Variants in GRM7 observed in about 807,000 individuals in gnomAD.
GRM7 encodes metabotropic glutamate receptor 7.
Under a neutral mutation model 84.5 loss-of-function variants are expected in GRM7, and 35 were observed. The ratio of observed to expected loss-of-function variants is 0.41; its 90% CI spans 0.32 to 0.55. The LOEUF is 0.55. GRM7 is among the 20% of genes least tolerant of loss of function. The pLI is 0.19. For missense variants in GRM7, 1,003 were observed against 1,194.6 expected, an observed-to-expected ratio of 0.84 and a Z score of 2.36; for synonymous variants, 487 against 455.1, an observed-to-expected ratio of 1.07 and a Z score of -0.89.
intron 1 of GRM7, among the ~76,000 whole-genome samples, chr3:7,019,201 C>T (rs1003738177): frequency 6.6e-6 from 1 of 152,178 alleles, no homozygotes. Context: ...CTTTTGAGAG[C>T]AATGTAGTTT....
chr3:7,308,449 T>C (rs1700274227), intron 4 of GRM7, among the ~76,000 whole-genome samples: 1 of 152,156 alleles, frequency 6.6e-6, no homozygotes, highest in Non-Finnish European at 1.5e-5. Flanking sequence ...GGTTCTTTGC[T>C]GAAAGTTGTA....
In GRM7 at chr3:7,242,467, A is replaced by G. The variant is rs1050403771; in HGVS notation, c.737-56217A>G. 5.3e-5 allele frequency among the ~76,000 whole-genome samples: 8 copies of G among 152,302 alleles called. No individual in the cohort carries two copies. The East Asian group carries it at 5.8e-4, about 11-fold the overall frequency. On this transcript the variant is annotated intron_variant, in intron 2 of 9. Coordinates refer to ENST00000357716, the MANE Select transcript of GRM7 (RefSeq NM_000844.4). ...CTTTGAAAAATTTGGCCCTGCCCAC[A>G]TTCAAACTATGCTTTGTCTTATGCA...
At chr3:7,648,249 T>G (rs796385077) in intron 8 of GRM7, among the ~76,000 whole-genome samples, 2 of 55,656 alleles carry the variant, frequency 3.6e-5, no homozygotes, top group African/African-American at 2.8e-4. Context: ...CTATAAATAG[T>G]TTTTTTTTTA....
intron 2 of GRM7, among the ~76,000 whole-genome samples, chr3:7,247,471 C>T (rs1378606864): frequency 2.6e-5 from 4 of 151,636 alleles, no homozygotes; most frequent in Admixed American, 1.3e-4. Flanking sequence ...AGGCGGCTCA[C>T]ACCTGTAGTC....
At chr3:6,935,850 C>T (rs1036148898) in intron 1 of GRM7, among the ~76,000 whole-genome samples, 2 of 151,988 alleles carry the variant, frequency 1.3e-5, no homozygotes, top group Non-Finnish European at 2.9e-5. Context: ...TGTGTGCCAA[C>T]ACGCACGGCT....
intron 1 of GRM7, among the ~76,000 whole-genome samples, chr3:7,128,843 G>A (rs939084548): frequency 2.0e-5 from 3 of 151,954 alleles, no homozygotes; most frequent in African/African-American, 7.3e-5. Flanking sequence ...AGCAGGTTAA[G>A]GGAGCTATCT....
At chr3:7,406,033 AAC>A (rs1159501005) in intron 4 of GRM7, among the ~76,000 whole-genome samples, 9 of 151,932 alleles carry the variant, frequency 5.9e-5, no homozygotes, top group Admixed American at 4.6e-4. Flanking sequence ...ATAACATAAA[AAC>A]ACACATTTTT....
intron 1 of GRM7, among the ~76,000 whole-genome samples, chr3:6,921,163 C>G (rs1697110090): frequency 6.6e-6 from 1 of 152,196 alleles, no homozygotes; most frequent in South Asian, 2.1e-4. Context: ...TTGGTTCTAG[C>G]TCCCAGCAGG....
At chr3:7,569,434 A>T (rs9820032) in intron 7 of GRM7, among the ~76,000 whole-genome samples, 117,176 of 152,004 alleles carry the variant, frequency 0.77, 46,026 homozygotes, top group African/African-American at 0.92. Context: ...AGCTCAGGGA[A>T]TGTAAACACA....
chr3:7,709,727 G>A (rs1263089813), intron 9 of GRM7, among the ~76,000 whole-genome samples: 5 of 152,194 alleles, frequency 3.3e-5, no homozygotes, highest in African/African-American at 1.2e-4. Flanking sequence ...AATAAACACA[G>A]CCCAAAACTC....
chr3:7,694,528 A>G (rs1369136176), intron 9 of GRM7: 1 of 203,880 alleles, frequency 4.9e-6, no homozygotes, highest in African/African-American at 2.4e-5. Flanking sequence ...ATATCAACAC[A>G]TCTCCTGTCT....
intron 9 of GRM7, among the ~76,000 whole-genome samples, chr3:7,713,481 A>C (rs1011149408): frequency 6.6e-6 from 1 of 152,032 alleles, no homozygotes; most frequent in Non-Finnish European, 1.5e-5. Context: ...CCAATCTATA[A>C]TGTGGCCCCT....
intron 7 of GRM7, among the ~76,000 whole-genome samples, chr3:7,577,695 G>T (rs1356413678): frequency 2.0e-5 from 3 of 152,086 alleles, no homozygotes; most frequent in African/African-American, 7.2e-5. Context: ...TGCAAATGGG[G>T]GATGGCCAAA....
intron 2 of GRM7, among the ~76,000 whole-genome samples, chr3:7,280,326 C>T (rs1446863999): frequency 6.6e-6 from 1 of 152,164 alleles, no homozygotes; most frequent in Non-Finnish European, 1.5e-5. Context: ...TTTTGTGTGA[C>T]ATTTGGCATA....
rs60042248 is a variant in GRM7, at chr3:7,064,548, G to GATATAT, written c.520-81887_520-81882dup. On this transcript the variant is annotated intron_variant, in intron 1 of 9. Coordinates refer to ENST00000357716, the MANE Select transcript of GRM7 (RefSeq NM_000844.4). ...CACACACACGCATCCATCATGTATG[G>GATATAT]ATATATATATATATATATATATCAC... 6.7e-3 allele frequency among the ~76,000 whole-genome samples: 599 copies of GATATAT among 89,524 alleles called. 3 individuals carry two copies. The highest frequency in any genetic ancestry group is 0.021 in the African/African-American group (415 of 20,018). 58.7% of individuals were successfully genotyped at this position (89,524 alleles called of 152,430 possible).
At chr3:7,465,825 C>G (rs527298366) in intron 7 of GRM7, among the ~76,000 whole-genome samples, 1 of 151,966 alleles carries the variant, frequency 6.6e-6, no homozygotes, top group Non-Finnish European at 1.5e-5. Flanking sequence ...TTTTAGAATC[C>G]CAGCTCTGTA....
At chr3:7,569,626 G>C (rs1198055818) in intron 7 of GRM7, among the ~76,000 whole-genome samples, 2 of 152,096 alleles carry the variant, frequency 1.3e-5, no homozygotes, top group Non-Finnish European at 2.9e-5. Context: ...AAATCTTGCT[G>C]CTCCTCACCC....
chr3:6,888,045 G>C (rs1456689060), intron 1 of GRM7, among the ~76,000 whole-genome samples: 2 of 152,148 alleles, frequency 1.3e-5, no homozygotes, highest in African/African-American at 4.8e-5. Context: ...AGAAGTGTCT[G>C]TTCATGTCCC....
intron 4 of GRM7, among the ~76,000 whole-genome samples, chr3:7,400,571 G>T (rs1227265228): frequency 9.9e-5 from 15 of 152,116 alleles, no homozygotes; most frequent in Admixed American, 9.8e-4. Context: ...CTTTGTGCTT[G>T]CTGTAATTCT....
Sources: gnomAD v4.1 joint callset for allele counts (sites outside exome capture counted in the v4.1 genomes callset) on GRCh38, gnomAD v4.1.1 for gene constraint, MANE v1.5 for transcripts, NCBI Gene and HGNC (gene_info 2026-07-23, HGNC 2026-07-21) for gene names.